Variants in BABAM2 observed in about 807,000 individuals in gnomAD.
BABAM2 encodes BRISC and BRCA1-A complex member 2.
Under a neutral mutation model 54.7 loss-of-function variants are expected in BABAM2, and 31 were observed. The ratio of observed to expected loss-of-function variants is 0.57; its 90% confidence interval spans 0.43 to 0.77. The LOEUF (loss-of-function observed/expected upper bound fraction) is 0.77. BABAM2 is among the 30% of genes least tolerant of loss of function. BABAM2 has a pLI of 0.00. For synonymous variants in BABAM2, 167 were observed against 162.9 expected, an observed-to-expected ratio of 1.03 and a Z score of -0.19; for missense variants, 364 against 455.8, an observed-to-expected ratio of 0.80 and a Z score of 1.83.
Position 28,008,923 on chromosome 2 carries a change from T to C in BABAM2, c.301-16303T>C, listed in dbSNP as rs376298530. Among the ~76,000 whole-genome samples, 4 of 152,156 alleles carry C rather than the reference T, an allele frequency of 2.6e-5. No homozygotes were observed. The East Asian group carries it at 7.7e-4, about 29-fold the overall frequency. On this transcript the variant is annotated intron_variant, in intron 4 of 11. Transcript: ENST00000379624. ...ATGGGCAGCTCTGGATTCCAGGTGA[T>C]ATTCATTGTTAGAAGTAGACCAGAG...
intron 7 of BABAM2, among the ~76,000 whole-genome samples, chr2:28,232,371 A>T (rs999889917): frequency 7.9e-5 from 12 of 152,148 alleles, no homozygotes; most frequent in African/African-American, 2.9e-4. Flanking sequence ...GACTCCCTGC[A>T]TTTTTCTAAG....
intron 7 of BABAM2, among the ~76,000 whole-genome samples, chr2:28,208,556 A>G (rs1679120997): frequency 6.6e-6 from 1 of 151,860 alleles, no homozygotes; most frequent in South Asian, 2.1e-4. Flanking sequence ...TACCTTTCCT[A>G]CAATTTGTTT....
chr2:27,899,172 T>C (rs1262067824), intron 2 of BABAM2, among the ~76,000 whole-genome samples: 1 of 152,146 alleles, frequency 6.6e-6, no homozygotes, highest in East Asian at 1.9e-4. Flanking sequence ...ATATAGGACA[T>C]AGAAATAAAT....
chr2:28,314,645 T>C (rs1689359472), intron 11 of BABAM2, among the ~76,000 whole-genome samples: 1 of 152,216 alleles, frequency 6.6e-6, no homozygotes, highest in East Asian at 1.9e-4. Context: ...TTAGGTACGA[T>C]GTTAAGTGAT....
At chr2:28,133,944 G>T (rs1210660930) in intron 7 of BABAM2, among the ~76,000 whole-genome samples, 1 of 152,132 alleles carries the variant, frequency 6.6e-6, no homozygotes, top group Non-Finnish European at 1.5e-5. Context: ...GGTGTCCCTG[G>T]CAGCCCTGCC....
At chr2:28,054,385 T>G (rs1678233863) in intron 6 of BABAM2, among the ~76,000 whole-genome samples, 1 of 152,216 alleles carries the variant, frequency 6.6e-6, no homozygotes, top group Non-Finnish European at 1.5e-5. Context: ...TAAAATTTAC[T>G]GAATTATCTT....
At chr2:28,212,750 C>T (rs1214555762) in intron 7 of BABAM2, among the ~76,000 whole-genome samples, 1 of 152,146 alleles carries the variant, frequency 6.6e-6, no homozygotes, top group East Asian at 1.9e-4. Flanking sequence ...GATTTTTATT[C>T]TAGAAAACAT....
chr2:28,216,736 A>G (rs1253178626), intron 7 of BABAM2, among the ~76,000 whole-genome samples: 1 of 152,210 alleles, frequency 6.6e-6, no homozygotes, highest in Non-Finnish European at 1.5e-5. Flanking sequence ...CACCATAAGA[A>G]GAAAGAAACA....
chr2:28,147,079 G>A (rs756039871), intron 7 of BABAM2, among the ~76,000 whole-genome samples: 5 of 152,088 alleles, frequency 3.3e-5, no homozygotes, highest in Non-Finnish European at 7.4e-5. Flanking sequence ...CTAACTACTG[G>A]CATGTAAGAC....
intron 6 of BABAM2, among the ~76,000 whole-genome samples, chr2:28,065,434 C>G (rs1448686402): frequency 6.6e-6 from 1 of 152,154 alleles, no homozygotes; most frequent in African/African-American, 2.4e-5. Context: ...AGGAGCCACT[C>G]CTTGGGTTGT....
chr2:28,012,627 A>C (rs1395206303), intron 4 of BABAM2, among the ~76,000 whole-genome samples: 1 of 152,190 alleles, frequency 6.6e-6, no homozygotes, highest in Admixed American at 6.5e-5. Flanking sequence ...TAGTCACTCT[A>C]GTACTCTTCA....
chr2:28,141,404 A>G (rs1378901760), intron 7 of BABAM2, among the ~76,000 whole-genome samples: 1 of 152,140 alleles, frequency 6.6e-6, no homozygotes, highest in Admixed American at 6.5e-5. Flanking sequence ...GTTCATATTT[A>G]TTGATATTTG....
chr2:27,958,014 C>CTGCCAGCCCATATCTGATG (rs1290726909), intron 3 of BABAM2, among the ~76,000 whole-genome samples: 2 of 152,114 alleles, frequency 1.3e-5, no homozygotes, highest in Admixed American at 1.3e-4. Context: ...TTGGAGGTTT[C>CTGCCAGCCCATATCTGATG]CCAGCCCAGG....
intron 7 of BABAM2, among the ~76,000 whole-genome samples, chr2:28,152,941 G>A (rs1477521196): frequency 6.6e-6 from 1 of 152,152 alleles, no homozygotes; most frequent in African/African-American, 2.4e-5. Flanking sequence ...GGCTGGGGTT[G>A]GGTAGATAGT....
intron 10 of BABAM2, among the ~76,000 whole-genome samples, chr2:28,280,464 A>G (rs1420243089): frequency 6.6e-6 from 1 of 152,182 alleles, no homozygotes; most frequent in Non-Finnish European, 1.5e-5. Context: ...AAGAATACTC[A>G]TGGTCACCTT....
intron 7 of BABAM2, among the ~76,000 whole-genome samples, chr2:28,232,557 T>C (rs112058777): frequency 1.8e-4 from 28 of 152,298 alleles, no homozygotes; most frequent in African/African-American, 6.5e-4. Flanking sequence ...TAGTAGAGCC[T>C]ACTACACGCC....
rs905331352 is a variant in BABAM2, at chr2:28,185,834, T to C, written c.681-51368T>C. ...CCATCAGGCCATCTACAAAGACCAC[T>C]GGGAGGCTAAGGATCACTTGAGCCC... On this transcript the variant is annotated intron_variant, in intron 7 of 11. Coordinates refer to ENST00000379624, the MANE Select transcript of BABAM2 (RefSeq NM_199191.3). Among the ~76,000 whole-genome samples, 7 of 152,240 alleles carry C rather than the reference T, an allele frequency of 4.6e-5. No individual in the cohort carries two copies. In the South Asian group the frequency reaches 1.4e-3, roughly 32 times the overall value.
chr2:28,208,377 GAGACCTTTA>G (rs1370180108), intron 7 of BABAM2, among the ~76,000 whole-genome samples: 1 of 152,190 alleles, frequency 6.6e-6, no homozygotes, highest in Non-Finnish European at 1.5e-5. Flanking sequence ...CAGTGGTTTT[GAGACCTTTA>G]AATTTTGTAT....
chr2:28,191,632 G>C (rs1676918704), intron 7 of BABAM2, among the ~76,000 whole-genome samples: 1 of 152,168 alleles, frequency 6.6e-6, no homozygotes, highest in Non-Finnish European at 1.5e-5. Flanking sequence ...AGTGAAAGAA[G>C]CCAGGCAAAG....
Sources: allele counts gnomAD v4.1 joint callset (sites outside exome capture counted in the v4.1 genomes callset), GRCh38; gene constraint gnomAD v4.1.1; transcripts MANE v1.5; gene names NCBI Gene and HGNC (gene_info 2026-07-23, HGNC 2026-07-21).